Variants in MAML3 observed in about 807,000 individuals in gnomAD.
MAML3 encodes the protein mastermind like transcriptional coactivator 3.
A neutral mutation model predicts 101.9 loss-of-function variants in MAML3; 27 were observed. The observed-to-expected ratio is 0.27, with a 90% CI of 0.20 to 0.37. The LOEUF (loss-of-function observed/expected upper bound fraction) is 0.37, where lower values mean the gene tolerates loss of function less well. Among genes scored for constraint, MAML3 ranks in the 10% least tolerant of loss-of-function variants. The pLI is 1.00. For synonymous variants in MAML3, 501 were observed against 555.9 expected, an observed-to-expected ratio of 0.90 and a Z score of 1.39; for missense variants, 1,316 against 1,444.9, an observed-to-expected ratio of 0.91 and a Z score of 1.45.
intron 2 of MAML3, among the ~76,000 whole-genome samples, chr4:139,827,360 T>TG (rs1731079574): frequency 6.6e-6 from 1 of 152,150 alleles, no homozygotes; most frequent in South Asian, 2.1e-4. Context: ...GCTGAGGGTT[T>TG]CTGAAAAGGA....
At chr4:139,760,531 G>T (rs933407214) in intron 2 of MAML3, among the ~76,000 whole-genome samples, 2 of 152,160 alleles carry the variant, frequency 1.3e-5, no homozygotes, top group African/African-American at 2.4e-5. Flanking sequence ...CACAGGACAC[G>T]CTCAATAACT....
intron 2 of MAML3, among the ~76,000 whole-genome samples, chr4:139,778,403 T>A (rs558419555): frequency 6.6e-6 from 1 of 152,006 alleles, no homozygotes; most frequent in Admixed American, 6.6e-5. Context: ...GTCAGAGAAT[T>A]TTAGGGGAGT....
chr4:139,742,454 A>C (rs1031112336), intron 2 of MAML3, among the ~76,000 whole-genome samples: 3 of 152,182 alleles, frequency 2.0e-5, no homozygotes, highest in Non-Finnish European at 4.4e-5. Context: ...TGGCCGTCTT[A>C]AACTTTTCAC....
At chr4:140,010,562 T>C (rs1726532948) in intron 1 of MAML3, among the ~76,000 whole-genome samples, 1 of 152,194 alleles carries the variant, frequency 6.6e-6, no homozygotes, top group Non-Finnish European at 1.5e-5. Context: ...CATTGCTAAC[T>C]AGAAATAAGT....
At chr4:139,960,225 G>A (rs941069378) in intron 1 of MAML3, among the ~76,000 whole-genome samples, 3 of 152,170 alleles carry the variant, frequency 2.0e-5, no homozygotes, top group Non-Finnish European at 4.4e-5. Flanking sequence ...AATCTTGCTT[G>A]GATCATCTCA....
intron 1 of MAML3, among the ~76,000 whole-genome samples, chr4:139,894,511 A>AAAG (rs1732565799): frequency 7.3e-6 from 1 of 136,388 alleles, no homozygotes; most frequent in Non-Finnish European, 1.5e-5. Context: ...TCCATCTTAA[A>AAAG]AAAGAAAGAA....
chr4:139,953,397 G>A (rs574587995), intron 1 of MAML3, among the ~76,000 whole-genome samples: 23 of 152,262 alleles, frequency 1.5e-4, no homozygotes, highest in Non-Finnish European at 2.2e-4. Context: ...AGGCTGAGGC[G>A]GGTGGATCAC....
intron 1 of MAML3, among the ~76,000 whole-genome samples, chr4:139,941,751 C>T (rs1041988107): frequency 1.1e-4 from 16 of 152,138 alleles, no homozygotes; most frequent in African/African-American, 3.1e-4. Context: ...ATCAGCTTTG[C>T]GCCCGATGGT....
chr4:140,094,426 CA>C (rs1728116650), intron 1 of MAML3, among the ~76,000 whole-genome samples: 1 of 152,220 alleles, frequency 6.6e-6, no homozygotes, highest in Non-Finnish European at 1.5e-5. Flanking sequence ...AGCTAAGCAG[CA>C]GCCGGCCAAC....
At chr4:139,917,044 A>C (rs1168512702) in intron 1 of MAML3, among the ~76,000 whole-genome samples, 1 of 152,234 alleles carries the variant, frequency 6.6e-6, no homozygotes, top group Non-Finnish European at 1.5e-5. Flanking sequence ...AGTTCTGAGA[A>C]TGCTAGAAAA....
chr4:140,144,133 A>G (rs1033258404), intron 1 of MAML3, among the ~76,000 whole-genome samples: 1 of 151,952 alleles, frequency 6.6e-6, no homozygotes, highest in African/African-American at 2.4e-5. Context: ...CCTTCCTTCT[A>G]CCCACTTCTA....
chr4:139,741,060 G>A (rs1397534966), intron 2 of MAML3, among the ~76,000 whole-genome samples: 1 of 152,192 alleles, frequency 6.6e-6, no homozygotes, highest in Non-Finnish European at 1.5e-5. Context: ...TGAGAGGAGG[G>A]CTACCCTTTT....
chr4:139,914,230 A>G (rs1732985344), intron 1 of MAML3, among the ~76,000 whole-genome samples: 1 of 152,194 alleles, frequency 6.6e-6, no homozygotes, highest in South Asian at 2.1e-4. Context: ...CCACGTTGCT[A>G]TGTGAAGCAT....
At chr4:140,073,616 T>C (rs1163265400) in intron 1 of MAML3, among the ~76,000 whole-genome samples, 1 of 152,136 alleles carries the variant, frequency 6.6e-6, no homozygotes, top group Non-Finnish European at 1.5e-5. Flanking sequence ...GGGATATCCA[T>C]ACCCTCCGCC....
At chr4:139,892,441 G>C (rs1732518493) in intron 1 of MAML3, among the ~76,000 whole-genome samples, 1 of 151,704 alleles carries the variant, frequency 6.6e-6, no homozygotes. Flanking sequence ...CTCCCTTACT[G>C]TTACTGTCCT....
Position 140,069,405 on chromosome 4 carries a change from G to C in MAML3, c.468+83455C>G, listed in dbSNP as rs1381217590. On this transcript the variant is annotated intron_variant, in intron 1 of 4. Coordinates refer to ENST00000509479, the MANE Select transcript of MAML3 (RefSeq NM_018717.5). Reference sequence around the variant, plus strand: ...GAAGAAGGAGGAGGAGGAGGAGGAGGAGGAGGAGGAGGAGGGGAAGGAGGA... The same window carrying C: ...GAAGAAGGAGGAGGAGGAGGAGGAGCAGGAGGAGGAGGAGGGGAAGGAGGA... 3.2e-4 allele frequency among the ~76,000 whole-genome samples: 35 copies of C among 110,030 alleles called. 2 individuals carry two copies. The highest frequency in any genetic ancestry group is 8.9e-4 in the African/African-American group (24 of 27,042). 72.2% of individuals were successfully genotyped at this position (110,030 alleles called of 152,430 possible). A position where few individuals can be genotyped will look rare whatever the true frequency, so the allele number is the denominator to read the frequency against.
intron 1 of MAML3, among the ~76,000 whole-genome samples, chr4:140,055,067 T>C (rs1171861716): frequency 6.6e-6 from 1 of 152,202 alleles, no homozygotes; most frequent in Non-Finnish European, 1.5e-5. Context: ...AGGGATTCTG[T>C]AGAAGGAATT....
intron 2 of MAML3, among the ~76,000 whole-genome samples, chr4:139,863,832 G>GTTTTTTTTTTTTTTTTTTTTTTTTTTT (rs58270046): frequency 9.0e-6 from 1 of 111,254 alleles, no homozygotes; most frequent in Non-Finnish European, 1.9e-5. Flanking sequence ...CAGAACATGG[G>GTTTTTTTTTTTTTTTTTTTTTTTTTTT]TTTTTTTTTT....
At chr4:139,967,124 T>C (rs952669) in intron 1 of MAML3, among the ~76,000 whole-genome samples, 48,847 of 152,070 alleles carry the variant, frequency 0.32, 8,409 homozygotes, top group East Asian at 0.61. Context: ...ACAGCAACAA[T>C]GGAAAAGAGA....
Sources: gnomAD v4.1 joint callset for allele counts (sites outside exome capture counted in the v4.1 genomes callset) on GRCh38, gnomAD v4.1.1 for gene constraint, MANE v1.5 for transcripts, NCBI Gene and HGNC (gene_info 2026-07-23, HGNC 2026-07-21) for gene names.